TMC8: variants seen among roughly 807,000 people sequenced by gnomAD.
TMC8 encodes the protein transmembrane channel like 8, also known as transmembrane channel-like protein 8.
A neutral mutation model predicts 76.0 loss-of-function variants in TMC8; 71 were observed. That is an observed-to-expected ratio of 0.93 (90% CI 0.77 to 1.14). TMC8 has a LOEUF of 1.14. Ranked by LOEUF, TMC8 falls within the 50% of genes most tolerant of loss-of-function variation. The pLI is 0.00. For synonymous variants in TMC8, 433 were observed against 433.8 expected, an observed-to-expected ratio of 1.00 and a Z score of 0.02; for missense variants, 924 against 947.9, an observed-to-expected ratio of 0.97 and a Z score of 0.33.
chr17:78,135,056 C>T (rs759682094), intron 9 of TMC8, 47 bp downstream of exon 9: 3 of 1,611,882 alleles, frequency 1.9e-6, no homozygotes, highest in Admixed American at 1.7e-5. Flanking sequence ...AACAAGTCTG[C>T]ATCCTGCTGC....
chr17:78,132,362 T>G lies in TMC8; in HGVS notation c.302T>G (p.Leu101Arg). The G allele has an allele frequency of 6.2e-7, 1 of 1,612,804 alleles. No individual in the cohort carries two copies. Among genetic ancestry groups the G allele is most frequent in the Non-Finnish European group, 8.5e-7 (1 of 1,179,680 alleles). ...CCACCCTGCTCTCCCACTGCAGGCC[T>G]CTTCGGCACAGGAATTCGGTCCTAC... is the stretch of plus-strand genomic sequence containing the variant. ...WEGALYEIGG[L>R]FGTGIRSYFT... is the part of the protein sequence containing the mutation. The change falls in exon 4 of 16, where the codon CTC becomes CGC. Residue 101 changes from leucine (L) to arginine (R), a missense_variant. Leu to Arg is a moderately radical substitution (Grantham distance 102). Coordinates refer to ENST00000318430, the MANE Select transcript of TMC8 (RefSeq NM_152468.5).
Position 78,134,522 on chromosome 17 carries a change from C to T in TMC8, c.945C>T (p.Ser315=). 1.1e-5 allele frequency: 17 copies of T among 1,614,130 alleles called. No homozygotes were observed. Among genetic ancestry groups the T allele is most frequent in the East Asian group, 4.5e-5 (2 of 44,872 alleles). ...LNGLLVVGAI[S]AIFWATKYSQ... ...GGCTCCTGGTGGTTGGGGCCATCAG[C>T]GCCATCTTCTGGGCTACCAAGTACT... is the stretch of plus-strand genomic sequence containing the variant. The change falls in exon 8 of 16, where the codon AGC becomes AGT. Residue 315 remains serine (S), a synonymous_variant. Coordinates refer to ENST00000318430, the MANE Select transcript of TMC8 (RefSeq NM_152468.5).
At chr17:78,131,001 C>G (rs1418874637) in intron 1 of TMC8, 150 bp downstream of exon 1, 1 of 179,428 alleles carries the variant, frequency 5.6e-6, no homozygotes. Flanking sequence ...CGCGGGGTAC[C>G]TGGGACTGGA....
In TMC8 at chr17:78,142,740, G is replaced by T. The variant is rs2075393331; in HGVS notation, c.*1628G>T. The T allele has an allele frequency of 6.6e-6, 1 of 152,246 alleles. No individual in the cohort carries two copies. Among genetic ancestry groups the T allele is most frequent in the South Asian group, 2.1e-4 (1 of 4,834 alleles). The allele number at this position is 152,246 out of a possible 1,614,324, so 9.4% of individuals were successfully genotyped here. ...TGGCCTCAGCATCACCTGGGAAAAGGTTAGAAATGAACATTCCCAGGCCCC... is the reference window on the plus strand; with the variant it reads ...TGGCCTCAGCATCACCTGGGAAAAGTTTAGAAATGAACATTCCCAGGCCCC... On this transcript the variant is annotated 3_prime_UTR_variant, in exon 16 of 16. Coordinates refer to ENST00000318430, the MANE Select transcript of TMC8 (RefSeq NM_152468.5).
rs375975035 is a variant in TMC8 at position 78,138,196 on chromosome 17, C to G, written c.1533+8C>G. The G allele has an allele frequency of 3.1e-6, 5 of 1,613,708 alleles. No homozygotes were observed. In the African/African-American group the frequency reaches 6.7e-5, roughly 22 times the overall value. The stretch of plus-strand genomic sequence containing the variant: ...ACCTTCTACATCAAGAAGGTGACGG[C>G]TCATGGCTGGGGGGTATGGGGTTCG... On this transcript the variant is annotated splice_region_variant and intron_variant, in intron 12 of 15. Transcript: ENST00000318430.
At chr17:78,140,357 TGGG>T (rs2075341802) in intron 15 of TMC8, among the ~76,000 whole-genome samples, 1 of 150,848 alleles carries the variant, frequency 6.6e-6, no homozygotes, top group African/African-American at 2.4e-5. Context: ...ACTTTAGGCT[TGGG>T]GCCAGGGGCT....
intron 5 of TMC8, among the ~76,000 whole-genome samples, chr17:78,133,130 GA>G (rs5822228): frequency 0.18 from 26,750 of 152,042 alleles, 3,288 homozygotes; most frequent in African/African-American, 0.35. Flanking sequence ...GACAAAGGGG[GA>G]AAAGTGCCCC....
chr17:78,138,777 G>C (rs770576033), intron 14 of TMC8, 45 bp downstream of exon 14: 1 of 1,599,168 alleles, frequency 6.3e-7, no homozygotes, highest in Non-Finnish European at 8.5e-7. Flanking sequence ...CCTGGAGGGG[G>C]AGGTCCTTCC....
At chr17:78,138,874 A>T in intron 14 of TMC8, 142 bp downstream of exon 14, 1 of 1,538,060 alleles carries the variant, frequency 6.5e-7, no homozygotes, top group Non-Finnish European at 8.7e-7. Context: ...AAAAGCAGGA[A>T]CCTCCTGGGC....
At position 78,131,986 on chromosome 17, in the gene TMC8, CCCGGGGCCTTGGG is replaced by C; in HGVS notation, c.256_268del (p.Arg86SerfsTer33). ...CTGCGGGAGGCAGCGCAGCGGCTGG[CCCGGGGCCTTGGG>C]CTCTGGGAGGGGGCGCTCTACGAGA... On this transcript the variant is annotated frameshift_variant, in exon 3 of 16. Coordinates refer to ENST00000318430, the MANE Select transcript of TMC8 (RefSeq NM_152468.5). LOFTEE classifies it high-confidence loss of function. The C allele has an allele frequency of 6.5e-7, 1 of 1,526,790 alleles. No individual in the cohort carries two copies. The highest frequency in any genetic ancestry group is 8.7e-7 in the Non-Finnish European group (1 of 1,142,926). The allele number at this position is 1,526,790 out of a possible 1,614,324, so 94.6% of individuals were successfully genotyped here. A position where few individuals can be genotyped will look rare whatever the true frequency, so the allele number is the denominator to read the frequency against.
intron 11 of TMC8, 30 bp downstream of exon 11, chr17:78,137,844 G>A (rs749130744): frequency 6.2e-7 from 1 of 1,609,282 alleles, no homozygotes; most frequent in South Asian, 1.1e-5. Context: ...CTCCAGAAGG[G>A]CGGGGGTGCC....
rs781247824 is a variant in TMC8, at chr17:78,141,062, G to GC, written c.2135dup (p.Ala713GlyfsTer98). The GC allele has an allele frequency of 1.3e-6, 2 of 1,594,246 alleles. No individual in the cohort carries two copies. The highest frequency in any genetic ancestry group is 2.7e-5 in the African/African-American group (2 of 74,376). On this transcript the variant is annotated frameshift_variant, in exon 16 of 16. Transcript: ENST00000318430. LOFTEE classifies it low-confidence loss of function (END_TRUNC). The stretch of plus-strand genomic sequence containing the variant: ...TTCCCCTTGCCCTGGACAGCACGGT[G>GC]CCCCGGCCTCCGCCCGCAGATTCCG...
In TMC8 at chr17:78,131,435, A is replaced by G; in HGVS notation, c.-154A>G. 2 of 1,079,216 alleles carry G rather than the reference A, an allele frequency of 1.9e-6. No individual in the cohort carries two copies. The highest frequency in any genetic ancestry group is 2.7e-6 in the Non-Finnish European group (2 of 741,872). The allele number at this position is 1,079,216 out of a possible 1,614,324, so 66.9% of individuals were successfully genotyped here. On this transcript the variant is annotated 5_prime_UTR_variant, in exon 2 of 16. Coordinates refer to ENST00000318430, the MANE Select transcript of TMC8 (RefSeq NM_152468.5). ...GTGAACCCTAGGGCTGCAGGAGCCC[A>G]GGCCCCGACGCCGGCGCAGAGGGGA...
rs1252475109 is a variant in TMC8, at chr17:78,131,568, C to A, written c.-21C>A. On this transcript the variant is annotated 5_prime_UTR_variant, in exon 2 of 16. Transcript: ENST00000318430. ...CCCCACCGGCAGCCCGGCGCCCCAG[C>A]CTCTACCCGTGCCCGCCGAGATGCT... 6.5e-7 allele frequency: 1 copy of A among 1,541,486 alleles called. No homozygotes were observed. Among genetic ancestry groups the A allele is most frequent in the Non-Finnish European group, 8.7e-7 (1 of 1,146,514 alleles).
chr17:78,131,988 C>G lies in TMC8; in HGVS notation c.256C>G (p.Arg86Gly), dbSNP rs537981704. The G allele has an allele frequency of 1.7e-4, 259 of 1,527,406 alleles. 3 individuals carry two copies. The African/African-American group carries it at 2.7e-3, about 16-fold the overall frequency. 94.6% of individuals were successfully genotyped at this position (1,527,406 alleles called of 1,614,324 possible). A position where few individuals can be genotyped will look rare whatever the true frequency, so the allele number is the denominator to read the frequency against. Residue 86 changes from arginine (R) to glycine (G), a missense_variant, in exon 3 of 16, where the codon CGG becomes GGG. By Grantham distance (125) the Arg-to-Gly change is moderately radical (BLOSUM62 -2). Coordinates refer to ENST00000318430, the MANE Select transcript of TMC8 (RefSeq NM_152468.5). ...GCGGGAGGCAGCGCAGCGGCTGGCC[C>G]GGGGCCTTGGGCTCTGGGAGGGGGC... ...RLREAAQRLA[R>G]GLGLWEGALY... is the part of the protein sequence containing the mutation.
chr17:78,142,629 A>G lies in TMC8; in HGVS notation c.*1517A>G, dbSNP rs11650029. On this transcript the variant is annotated 3_prime_UTR_variant, in exon 16 of 16. Coordinates refer to ENST00000318430, the MANE Select transcript of TMC8 (RefSeq NM_152468.5). ...AGGGAAAGAGGGAGCTCTGTGTTCC[A>G]TCGAGGGGGCGACAAGCCTGGACCA... The G allele has an allele frequency of 0.062, 9,528 of 152,458 alleles. 438 individuals are homozygous for G. Among genetic ancestry groups the G allele is most frequent in the African/African-American group, 0.12 (5,181 of 41,574 alleles). 9.4% of individuals were successfully genotyped at this position (152,458 alleles called of 1,614,324 possible).
chr17:78,139,271 G>A (rs758870601), intron 15 of TMC8, 31 bp downstream of exon 15: 11 of 1,610,338 alleles, frequency 6.8e-6, no homozygotes, highest in Non-Finnish European at 9.3e-6. Flanking sequence ...TGAGGGGACA[G>A]CAGCTTCAGT....
In TMC8 at chr17:78,132,849, T is replaced by C. The variant is rs370037651; in HGVS notation, c.510T>C (p.Leu170=). ...GCGTTTTGAGGTTCCACAATCAACT[T>C]TGGCATGTTTTGACTGGCAGGGTGA... ...PPGVLRFHNQ[L]WHVLTGRAFT... The change falls in exon 5 of 16, where the codon CTT becomes CTC. Residue 170 remains leucine, a synonymous_variant. Coordinates refer to ENST00000318430, the MANE Select transcript of TMC8 (RefSeq NM_152468.5). The C allele has an allele frequency of 1.2e-6, 2 of 1,614,194 alleles. No homozygotes were observed. The highest frequency in any genetic ancestry group is 1.1e-5 in the South Asian group (1 of 91,088).
In TMC8 at chr17:78,137,377, G is replaced by T. The variant is rs2075261022; in HGVS notation, c.1251+19G>T. ...CTATCAGGTGGCTGGCAGCCCGGCG[G>T]GGCCTGTCCCTCCCTTCCTTCTCCC... On this transcript the variant is annotated intron_variant, in intron 10 of 15. Coordinates refer to ENST00000318430, the MANE Select transcript of TMC8 (RefSeq NM_152468.5). The T allele has an allele frequency of 6.2e-7, 1 of 1,613,622 alleles. No homozygotes were observed. Among genetic ancestry groups the T allele is most frequent in the South Asian group, 1.1e-5 (1 of 91,052 alleles).
Sources: allele counts gnomAD v4.1 joint callset (sites outside exome capture counted in the v4.1 genomes callset), GRCh38; gene constraint gnomAD v4.1.1; transcripts MANE v1.5; gene names NCBI Gene and HGNC (gene_info 2026-07-23, HGNC 2026-07-21).